NID1: variants seen among roughly 807,000 people sequenced by gnomAD.
NID1 encodes the protein nidogen-1.
A neutral mutation model predicts 130.6 loss-of-function variants in NID1; 76 were observed. The observed-to-expected ratio is 0.58, with a 90% CI of 0.48 to 0.70. The LOEUF (loss-of-function observed/expected upper bound fraction) is 0.70. Ranked by LOEUF, NID1 falls within the 30% of genes least tolerant of loss-of-function variation. The pLI, the probability that NID1 is intolerant of heterozygous loss-of-function variation, is 0.00. For synonymous variants in NID1, 665 were observed against 675.1 expected (o/e 0.98, Z 0.23); for missense variants, 1,517 against 1,664.8 (o/e 0.91, Z 1.54).
In NID1 at chr1:236,048,757, A is replaced by G; in HGVS notation, c.458T>C (p.Val153Ala). 6.2e-7 allele frequency: 1 copy of G among 1,613,250 alleles called. No individual in the cohort carries two copies. Among genetic ancestry groups the G allele is most frequent in the Non-Finnish European group, 8.5e-7 (1 of 1,180,002 alleles). The change falls in exon 2 of 20, where the codon GTG (valine) becomes GCG (alanine). Residue 153 changes from valine to alanine, a missense_variant. Coordinates refer to ENST00000264187, the MANE Select transcript of NID1 (RefSeq NM_002508.3). Reference sequence around the variant, plus strand: ...GGCCACGGATTCCCAAGTGACAACCACCGCGCTACTAGGCTGGAAAGAGAT... The same window carrying G: ...GGCCACGGATTCCCAAGTGACAACCGCCGCGCTACTAGGCTGGAAAGAGAT... ...PEISFQPSSA[V>A]VVTWESVAPY...
At chr1:236,045,345 C>T in intron 3 of NID1, 112 bp downstream of exon 3, 1 of 719,744 alleles carries the variant, frequency 1.4e-6, no homozygotes, top group Non-Finnish European at 2.3e-6. Flanking sequence ...AAACTATATG[C>T]AAAACTTAAA....
chr1:235,996,589 G>A (rs1354225575), intron 12 of NID1, among the ~76,000 whole-genome samples: 1 of 151,836 alleles, frequency 6.6e-6, no homozygotes, highest in African/African-American at 2.4e-5. Context: ...CTACAGGCAT[G>A]CGTCACCACA....
In NID1 at chr1:235,980,566, C is replaced by G; in HGVS notation, c.3315G>C (p.Gln1105His). 6.2e-7 allele frequency: 1 copy of G among 1,614,156 alleles called. No homozygotes were observed. Among genetic ancestry groups the G allele is most frequent in the Non-Finnish European group, 8.5e-7 (1 of 1,179,986 alleles). ...MDGTNRRILV[Q>H]DDLGLPNGLT... ...GTCCATTGGGCAAGCCCAGGTCATC[C>G]TGCACAAGGATCCTCCGGTTCGTGC... The change falls in exon 17 of 20, where the codon CAG becomes CAC. Residue 1105 changes from glutamine (Q) to histidine (H), a missense_variant. Gln to His is a conservative substitution (Grantham distance 24, BLOSUM62 0). Around this residue, in one of 3 missense-constraint regions of NID1, gnomAD observed 181 missense variants for 211.3 expected, o/e 0.86. Coordinates refer to ENST00000264187, the MANE Select transcript of NID1 (RefSeq NM_002508.3).
chr1:236,037,974 G>GA, intron 5 of NID1, 130 bp downstream of exon 5: 1 of 1,068,104 alleles, frequency 9.4e-7, no homozygotes, highest in Middle Eastern at 2.1e-4. Context: ...GAGAGACCAT[G>GA]TATGGCTGCC....
At chr1:236,030,427 A>G (rs1659063030) in intron 6 of NID1, among the ~76,000 whole-genome samples, 1 of 152,158 alleles carries the variant, frequency 6.6e-6, no homozygotes, top group Admixed American at 6.5e-5. Context: ...TTTTTCTACA[A>G]CCCTTGAGCT....
intron 5 of NID1, among the ~76,000 whole-genome samples, chr1:236,035,607 C>A (rs1388921442): frequency 1.3e-5 from 2 of 151,690 alleles, no homozygotes; most frequent in African/African-American, 4.9e-5. Flanking sequence ...TACAGTCCCA[C>A]CAACAGTGTA....
chr1:236,045,847 G>T (rs1199159831), intron 2 of NID1, among the ~76,000 whole-genome samples, 164 bp from the exon 3 acceptor site: 1 of 152,082 alleles, frequency 6.6e-6, no homozygotes, highest in Non-Finnish European at 1.5e-5. Context: ...TAGGATTCTG[G>T]GATAGTTCCA....
intron 9 of NID1, among the ~76,000 whole-genome samples, chr1:236,023,670 A>G (rs1383607182): frequency 6.6e-6 from 1 of 152,098 alleles, no homozygotes; most frequent in African/African-American, 2.4e-5. Flanking sequence ...CAAAAAATCC[A>G]TCTTGTTAGA....
intron 12 of NID1, among the ~76,000 whole-genome samples, chr1:236,000,844 G>A (rs1198784982): frequency 1.3e-5 from 2 of 152,202 alleles, no homozygotes; most frequent in Non-Finnish European, 2.9e-5. Flanking sequence ...AGAGTGGAGA[G>A]AGGGGAGGTG....
chr1:235,998,734 A>G (rs1481416595), intron 12 of NID1, among the ~76,000 whole-genome samples: 4 of 152,166 alleles, frequency 2.6e-5, no homozygotes, highest in Non-Finnish European at 5.9e-5. Flanking sequence ...ACTTCCACAA[A>G]ATTTTACGTT....
At chr1:236,034,435 A>G (rs1035712535) in intron 5 of NID1, among the ~76,000 whole-genome samples, 57 of 151,736 alleles carry the variant, frequency 3.8e-4, no homozygotes, top group Non-Finnish European at 6.8e-4. Flanking sequence ...AAAAAAAAAA[A>G]AAAGAAAGAA....
At position 236,064,933 on chromosome 1, in the gene NID1, C is replaced by T. The variant is rs773405429; in HGVS notation, c.147G>A (p.Gly49=). The change falls in exon 1 of 20, where the codon GGG becomes GGA. Residue 49 remains glycine (G), a synonymous_variant. Transcript: ENST00000264187. ...CCAGGGCAGGAGAGACGAAGTCATC[C>T]CCGTCCTCCAGCTCCAGGTCCCCCT... ...PGQGDLELED[G]DDFVSPALEL... 2.6e-5 allele frequency: 42 copies of T among 1,610,506 alleles called. No individual in the cohort carries two copies. The highest frequency in any genetic ancestry group is 1.6e-4 in the Middle Eastern group (1 of 6,078).
intron 15 of NID1, among the ~76,000 whole-genome samples, chr1:235,982,798 A>G (rs1391448019): frequency 6.6e-6 from 1 of 152,200 alleles, no homozygotes; most frequent in African/African-American, 2.4e-5. Context: ...TGACTGGAGT[A>G]TAAGCAGGAA....
intron 10 of NID1, among the ~76,000 whole-genome samples, chr1:236,016,079 C>T (rs1439996132): frequency 3.3e-5 from 5 of 151,798 alleles, no homozygotes; most frequent in Non-Finnish European, 4.4e-5. Flanking sequence ...TAAAATTAAA[C>T]GTTTGAATCT....
intron 10 of NID1, among the ~76,000 whole-genome samples, chr1:236,016,457 G>T (rs145636853): frequency 2.0e-5 from 3 of 152,154 alleles, no homozygotes; most frequent in South Asian, 2.1e-4. Context: ...GTTCAGATGC[G>T]CATTTGACAT....
intron 3 of NID1, 42 bp from the exon 4 acceptor site, chr1:236,042,334 C>A: frequency 6.4e-7 from 1 of 1,567,186 alleles, no homozygotes; most frequent in South Asian, 1.2e-5. Context: ...GCCAGCAACC[C>A]ACCAACAGCC....
chr1:236,012,103 C>G, intron 11 of NID1, 60 bp from the exon 12 acceptor site: 3 of 1,585,842 alleles, frequency 1.9e-6, no homozygotes, highest in Non-Finnish European at 2.6e-6. Flanking sequence ...CGTAGTTTAC[C>G]CAATAATTTA....
intron 3 of NID1, among the ~76,000 whole-genome samples, chr1:236,043,690 C>T (rs544456092): frequency 8.5e-5 from 13 of 152,088 alleles, no homozygotes; most frequent in East Asian, 5.8e-4. Context: ...CCCAGCTGCT[C>T]GGGACGCTGA....
chr1:235,993,699 G>A lies in NID1; in HGVS notation c.2701C>T (p.Arg901Cys), dbSNP rs1198924562. 3 of 1,601,020 alleles carry A rather than the reference G, an allele frequency of 1.9e-6. No homozygotes were observed. The highest frequency in any genetic ancestry group is 1.1e-5 in the South Asian group (1 of 90,320). The stretch of plus-strand genomic sequence containing the variant: ...GTGCCCTCCACCTCGCGGCCGTCGC[G>A]ATCCACGCACCAGCAGTAGCCGGTG... ...GSTGYCWCVD[R>C]DGREVEGTRT... Residue 901 changes from arginine to cysteine, a missense_variant, in exon 13 of 20, where the codon CGC (arginine) becomes TGC (cysteine). This residue lies in a region of NID1 where 1,329 missense variants were observed against 1,429.2 expected (regional missense o/e 0.93). Coordinates refer to ENST00000264187, the MANE Select transcript of NID1 (RefSeq NM_002508.3).
Sources: allele counts gnomAD v4.1 joint callset (sites outside exome capture counted in the v4.1 genomes callset), GRCh38; gene constraint gnomAD v4.1.1; regional missense constraint gnomAD v4.1.1; transcripts MANE v1.5; gene names NCBI Gene and HGNC (gene_info 2026-07-23, HGNC 2026-07-21).